CSMD1: variants seen among roughly 807,000 people sequenced by gnomAD.
The protein encoded by CSMD1 is CUB and Sushi multiple domains 1.
In CSMD1, 213 loss-of-function variants were observed where a neutral mutation model predicts 417.5. The ratio of observed to expected loss-of-function variants is 0.51; its 90% CI spans 0.46 to 0.57. The LOEUF (loss-of-function observed/expected upper bound fraction) is 0.57. Ranked by LOEUF, CSMD1 falls within the 20% of genes least tolerant of loss-of-function variation. The probability of loss-of-function intolerance (pLI) is 0.00; values close to 1 mark genes in which losing one functional copy is unlikely to be tolerated. For synonymous variants in CSMD1, 2,862 were observed against 1,736.8 expected (o/e 1.65, Z -16.11); for missense variants, 6,923 against 4,529.7 (o/e 1.53, Z -15.17).
chr8:3,915,559 G>A (rs1448770771), intron 5 of CSMD1, among the ~76,000 whole-genome samples: 1 of 151,498 alleles, frequency 6.6e-6, no homozygotes, highest in Non-Finnish European at 1.5e-5. Context: ...ACACAAGGAT[G>A]AATAATTCTA....
chr8:4,519,920 AGT>A (rs3056678), intron 2 of CSMD1, among the ~76,000 whole-genome samples: 160 of 141,408 alleles, frequency 1.1e-3, no homozygotes, highest in African/African-American at 3.2e-3. Flanking sequence ...TACATTATGT[AGT>A]GTGTGTGTGT....
chr8:3,338,686 C>G, intron 23 of CSMD1, among the ~76,000 whole-genome samples: 1 of 152,156 alleles, frequency 6.6e-6, no homozygotes, highest in Non-Finnish European at 1.5e-5. Context: ...AGGGTGCATC[C>G]TGAGGACTGT....
intron 20 of CSMD1, among the ~76,000 whole-genome samples, chr8:3,362,680 A>T (rs532783020): frequency 1.3e-5 from 2 of 152,278 alleles, no homozygotes; most frequent in South Asian, 4.1e-4. Flanking sequence ...CAGGAGAAAA[A>T]GGTCTGTATT....
intron 18 of CSMD1, among the ~76,000 whole-genome samples, chr8:3,378,781 G>C (rs1406855146): frequency 2.0e-5 from 3 of 152,164 alleles, no homozygotes; most frequent in African/African-American, 7.2e-5. Flanking sequence ...CAAACCCACA[G>C]CCAATATCAT....
At chr8:4,156,652 C>G (rs961060267) in intron 3 of CSMD1, among the ~76,000 whole-genome samples, 1 of 152,052 alleles carries the variant, frequency 6.6e-6, no homozygotes, top group African/African-American at 2.4e-5. Flanking sequence ...ATACCAGGTA[C>G]CCATCTGCTT....
At chr8:4,553,959 G>A (rs1209330898) in intron 2 of CSMD1, among the ~76,000 whole-genome samples, 1 of 152,270 alleles carries the variant, frequency 6.6e-6, no homozygotes, top group East Asian at 1.9e-4. Context: ...CATTTAGCCT[G>A]TCACGCTGAT....
chr8:3,992,745 T>G (rs1317228725), intron 5 of CSMD1, among the ~76,000 whole-genome samples: 1 of 152,212 alleles, frequency 6.6e-6, no homozygotes, highest in African/African-American at 2.4e-5. Flanking sequence ...AGCACCACTG[T>G]ACTCCACACT....
chr8:4,867,174 C>G (rs976816995), intron 1 of CSMD1, among the ~76,000 whole-genome samples: 5 of 151,958 alleles, frequency 3.3e-5, no homozygotes, highest in African/African-American at 1.2e-4. Flanking sequence ...ACTGTGACAG[C>G]AAAAAACTAA....
chr8:4,373,231 C>A (rs1308953827), intron 3 of CSMD1, among the ~76,000 whole-genome samples: 2 of 152,108 alleles, frequency 1.3e-5, no homozygotes, highest in African/African-American at 4.8e-5. Flanking sequence ...GAGAAACTAC[C>A]CCAGCCAAGA....
intron 12 of CSMD1, among the ~76,000 whole-genome samples, chr8:3,455,496 G>A (rs6991403): frequency 0.11 from 16,111 of 152,114 alleles, 1,525 homozygotes; most frequent in East Asian, 0.33. Context: ...TTTTGGTGTG[G>A]ATGTCCTTTC....
intron 3 of CSMD1, among the ~76,000 whole-genome samples, chr8:4,322,780 A>G (rs1423318881): frequency 1.3e-5 from 2 of 152,166 alleles, no homozygotes; most frequent in Non-Finnish European, 2.9e-5. Flanking sequence ...GGATCACTTG[A>G]CTTCAGGAGT....
chr8:3,727,603 T>G (rs962361023), intron 6 of CSMD1, among the ~76,000 whole-genome samples: 1 of 152,204 alleles, frequency 6.6e-6, no homozygotes, highest in Non-Finnish European at 1.5e-5. Flanking sequence ...GATACTGCAA[T>G]TCGACTTTTG....
chr8:3,527,350 C>A (rs1797794834), intron 10 of CSMD1, among the ~76,000 whole-genome samples: 2 of 152,094 alleles, frequency 1.3e-5, no homozygotes, highest in Non-Finnish European at 2.9e-5. Context: ...AAAAGCCATT[C>A]TAAAAGGTTA....
chr8:3,844,016 A>C (rs1294132448), intron 5 of CSMD1, among the ~76,000 whole-genome samples: 1 of 152,202 alleles, frequency 6.6e-6, no homozygotes, highest in Admixed American at 6.5e-5. Context: ...GATAATATGT[A>C]GTCATTGTTA....
chr8:3,887,913 A>G (rs1806673399), intron 5 of CSMD1, among the ~76,000 whole-genome samples: 1 of 152,202 alleles, frequency 6.6e-6, no homozygotes. Context: ...AGTTGACATC[A>G]ATTACAATCA....
In CSMD1 at chr8:4,466,785, C is replaced by T. The variant is rs181287996; in HGVS notation, c.303-46720G>A. On this transcript the variant is annotated intron_variant, in intron 2 of 69. Transcript: ENST00000635120. ...AATTATAATATGAGAATACCACCAA[C>T]TGAAATCCATAGAAAAATAACAAGC... Among the ~76,000 whole-genome samples, 278 of 152,248 alleles carry T rather than the reference C, an allele frequency of 1.8e-3. 1 individual carries two copies. Among genetic ancestry groups the T allele is most frequent in the African/African-American group, 6.5e-3 (269 of 41,558 alleles).
chr8:4,885,028 A>G (rs1201591256), intron 1 of CSMD1, among the ~76,000 whole-genome samples: 3 of 152,020 alleles, frequency 2.0e-5, no homozygotes, highest in Non-Finnish European at 4.4e-5. Context: ...TTTAAACAAT[A>G]TTTTGTTTTC....
intron 10 of CSMD1, among the ~76,000 whole-genome samples, chr8:3,494,597 T>C (rs1228591183): frequency 2.0e-5 from 3 of 148,492 alleles, no homozygotes; most frequent in Non-Finnish European, 3.0e-5. Flanking sequence ...GATAGATAGA[T>C]AGATAGATAG....
chr8:3,605,072 G>C (rs1801543968), intron 8 of CSMD1, among the ~76,000 whole-genome samples: 1 of 152,138 alleles, frequency 6.6e-6, no homozygotes. Flanking sequence ...TCGGCTTACT[G>C]CAACCTCAGC....
Sources: gnomAD v4.1 joint callset for allele counts (sites outside exome capture counted in the v4.1 genomes callset) on GRCh38, gnomAD v4.1.1 for gene constraint, MANE v1.5 for transcripts, NCBI Gene and HGNC (gene_info 2026-07-23, HGNC 2026-07-21) for gene names.